ALPK1: variants seen among roughly 807,000 people sequenced by gnomAD.
ALPK1 encodes alpha kinase 1, also known as alpha-protein kinase 1.
A neutral mutation model predicts 120.6 loss-of-function variants in ALPK1; 110 were observed. The observed-to-expected ratio is 0.91, with a 90% CI of 0.78 to 1.07. ALPK1 has a LOEUF of 1.07. Among genes scored for constraint, ALPK1 ranks in the 50% least tolerant of loss-of-function variants. ALPK1 has a pLI of 0.00. For missense variants in ALPK1, 1,498 were observed against 1,483.9 expected (o/e 1.01, Z -0.16); for synonymous variants, 582 against 560.3 (o/e 1.04, Z -0.55).
chr4:112,427,789 C>T lies in ALPK1; in HGVS notation c.795+124C>T, dbSNP rs1178981079. ...GGAGCTCAGTGCTGCGCCTCCTAGA[C>T]AAATGGGAGGAATCCTGGGGAGGAG... is the stretch of plus-strand genomic sequence containing the variant. On this transcript the variant is annotated intron_variant, in intron 9 of 15. Coordinates refer to ENST00000650871, the MANE Select transcript of ALPK1 (RefSeq NM_025144.4). 30 of 686,580 alleles carry T rather than the reference C, an allele frequency of 4.4e-5. No homozygotes were observed. The South Asian group carries it at 4.8e-4, about 11-fold the overall frequency. 42.5% of individuals were successfully genotyped at this position (686,580 alleles called of 1,614,324 possible).
At chr4:112,316,012 A>G (rs1045010484) in intron 2 of ALPK1, 160 bp downstream of exon 2, 4 of 152,252 alleles carry the variant, frequency 2.6e-5, no homozygotes, top group African/African-American at 7.2e-5. Context: ...TTATTCTTCA[A>G]TAATTTTTAA....
At chr4:112,343,965 C>T (rs1729993179) in intron 2 of ALPK1, among the ~76,000 whole-genome samples, 1 of 152,118 alleles carries the variant, frequency 6.6e-6, no homozygotes, top group Admixed American at 6.5e-5. Context: ...TGCCAATGAG[C>T]CCCCTGCAAT....
At chr4:112,316,444 C>G (rs2110538934) in intron 2 of ALPK1, 1 of 152,320 alleles carries the variant, frequency 6.6e-6, no homozygotes, top group East Asian at 1.9e-4. Context: ...CATATTTTGG[C>G]TATTACTAAT....
intron 3 of ALPK1, among the ~76,000 whole-genome samples, chr4:112,379,476 A>G (rs1259245915): frequency 6.6e-6 from 1 of 152,244 alleles, no homozygotes; most frequent in African/African-American, 2.4e-5. Context: ...CATCAGCCCC[A>G]GCCCAAGGGC....
At chr4:112,317,444 A>G (rs949955896) in intron 2 of ALPK1, among the ~76,000 whole-genome samples, 1 of 152,110 alleles carries the variant, frequency 6.6e-6, no homozygotes, top group Non-Finnish European at 1.5e-5. Context: ...GTCTCACTTC[A>G]TTCTTCTGTA....
intron 2 of ALPK1, among the ~76,000 whole-genome samples, chr4:112,327,253 T>A (rs77439190): frequency 0.026 from 3,891 of 152,324 alleles, 70 homozygotes; most frequent in Non-Finnish European, 0.039. Flanking sequence ...TTTAATAAAC[T>A]GCATCACCTC....
intron 2 of ALPK1, among the ~76,000 whole-genome samples, chr4:112,338,730 A>G (rs1259270075): frequency 1.3e-5 from 2 of 152,264 alleles, no homozygotes; most frequent in Admixed American, 6.5e-5. Context: ...AATTACATTA[A>G]CTATAAATAA....
chr4:112,439,942 C>T (rs1160251909), intron 14 of ALPK1, 70 bp downstream of exon 14: 18 of 1,325,858 alleles, frequency 1.4e-5, no homozygotes, highest in Admixed American at 8.4e-5. Flanking sequence ...AACTAGCTTC[C>T]CTAATCTTTA....
At chr4:112,365,609 A>T (rs1346242006) in intron 2 of ALPK1, among the ~76,000 whole-genome samples, 2 of 152,232 alleles carry the variant, frequency 1.3e-5, no homozygotes, top group African/African-American at 4.8e-5. Flanking sequence ...TAGAATCAGT[A>T]TTGTGAAAAT....
Position 112,431,184 on chromosome 4 carries a change from G to A in ALPK1, c.1637G>A (p.Arg546Gln), listed in dbSNP as rs757230834. ...RRNWTHSDAF[R>Q]VSLDQDVETE... The stretch of plus-strand genomic sequence containing the variant: ...AACTGGACCCATTCTGATGCATTTC[G>A]AGTCTCCTTGGATCAAGATGTGGAG... Residue 546 changes from arginine to glutamine, a missense_variant, in exon 11 of 16, where the codon CGA (arginine) becomes CAA (glutamine). Transcript: ENST00000650871. The A allele has an allele frequency of 1.9e-5, 31 of 1,614,042 alleles. No individual in the cohort carries two copies. The highest frequency in any genetic ancestry group is 3.3e-5 in the Admixed American group (2 of 60,014).
At chr4:112,418,748 A>AAATGAT (rs4032103) in intron 5 of ALPK1, among the ~76,000 whole-genome samples, 90,689 of 151,370 alleles carry the variant, frequency 0.6, 27,307 homozygotes, top group East Asian at 0.8. Flanking sequence ...TGGAGCTGAA[A>AAATGAT]AAGTTACTCC....
At chr4:112,315,612 T>C (rs893792852) in intron 1 of ALPK1, among the ~76,000 whole-genome samples, 189 bp from the exon 2 acceptor site, 1 of 152,228 alleles carries the variant, frequency 6.6e-6, no homozygotes, top group African/African-American at 2.4e-5. Flanking sequence ...TCTAAAGTGA[T>C]GAACAGTGAT....
intron 2 of ALPK1, among the ~76,000 whole-genome samples, chr4:112,332,976 C>G (rs944723399): frequency 6.6e-6 from 1 of 152,096 alleles, no homozygotes; most frequent in African/African-American, 2.4e-5. Context: ...TTCAAGGGTC[C>G]CCAGTCTCCA....
chr4:112,299,380 G>A (rs1227821216), intron 1 of ALPK1, among the ~76,000 whole-genome samples: 1 of 152,032 alleles, frequency 6.6e-6, no homozygotes, highest in African/African-American at 2.4e-5. Flanking sequence ...AAAATTTTGA[G>A]TTATTTGCTA....
At chr4:112,437,211 A>G (rs898942717) in intron 12 of ALPK1, among the ~76,000 whole-genome samples, 7 of 152,204 alleles carry the variant, frequency 4.6e-5, no homozygotes, top group African/African-American at 1.7e-4. Flanking sequence ...TGGTTTCTTC[A>G]TAGCAACAAT....
chr4:112,341,154 G>T (rs1286490625), intron 2 of ALPK1, among the ~76,000 whole-genome samples: 4 of 152,152 alleles, frequency 2.6e-5, no homozygotes. Context: ...GTTTTGAAGG[G>T]TTTGTCTCTG....
At chr4:112,337,500 C>A (rs1458811992) in intron 2 of ALPK1, among the ~76,000 whole-genome samples, 1 of 152,008 alleles carries the variant, frequency 6.6e-6, no homozygotes, top group African/African-American at 2.4e-5. Flanking sequence ...TTTGAGACAG[C>A]CTGGGCAACA....
intron 10 of ALPK1, among the ~76,000 whole-genome samples, chr4:112,429,737 G>A (rs1369788032): frequency 6.6e-6 from 1 of 151,648 alleles, no homozygotes; most frequent in East Asian, 1.9e-4. Flanking sequence ...GTACTGGGGA[G>A]GCTGAGGTGG....
Position 112,441,267 on chromosome 4 carries a change from C to A in ALPK1, c.*57C>A. On this transcript the variant is annotated 3_prime_UTR_variant, in exon 16 of 16. Transcript: ENST00000650871. ...GGCAGGGCCGTGACACAGGTTCTGG[C>A]CAATGATTTGCAAGAGGAATTGATC... 8.6e-7 allele frequency: 1 copy of A among 1,165,858 alleles called. No individual in the cohort carries two copies. Among genetic ancestry groups the A allele is most frequent in the Non-Finnish European group, 1.3e-6 (1 of 770,696 alleles). The allele number at this position is 1,165,858 out of a possible 1,614,324, so 72.2% of individuals were successfully genotyped here. A position where few individuals can be genotyped will look rare whatever the true frequency, so the allele number is the denominator to read the frequency against.
Sources: allele counts gnomAD v4.1 joint callset (sites outside exome capture counted in the v4.1 genomes callset), GRCh38; gene constraint gnomAD v4.1.1; transcripts MANE v1.5; gene names NCBI Gene and HGNC (gene_info 2026-07-23, HGNC 2026-07-21).